Variants in LRIF1 observed in about 807,000 individuals in gnomAD.
The protein encoded by LRIF1 is ligand dependent nuclear receptor interacting factor 1.
LRIF1 carries 32 observed loss-of-function variants against 52.7 expected under a neutral mutation model. The ratio of observed to expected loss-of-function variants is 0.61; its 90% CI spans 0.46 to 0.82. LRIF1 has a LOEUF of 0.82. Ranked by LOEUF, LRIF1 falls within the 40% of genes least tolerant of loss-of-function variation. LRIF1 has a pLI of 0.00. For synonymous variants in LRIF1, 323 were observed against 317.4 expected (o/e 1.02, Z -0.19); for missense variants, 887 against 892.0 (o/e 0.99, Z 0.07).
chr1:110,925,687 A>G, the LRIF1 span, among the ~76,000 whole-genome samples: 1 of 152,196 alleles, frequency 6.6e-6, no homozygotes, highest in Non-Finnish European at 1.5e-5. Flanking sequence ...AAACAAAACC[A>G]TCATTCGTTA....
At chr1:110,948,569 CA>C (rs1405380051) in intron 3 of LRIF1, among the ~76,000 whole-genome samples, 170 bp from the exon 4 acceptor site, 1 of 152,110 alleles carries the variant, frequency 6.6e-6, no homozygotes, top group African/African-American at 2.4e-5. Context: ...TGTATGGTAC[CA>C]AAATGTCTTA....
chr1:110,889,414 C>G, the LRIF1 span, among the ~76,000 whole-genome samples: 2 of 151,976 alleles, frequency 1.3e-5, no homozygotes, highest in Admixed American at 6.6e-5. Flanking sequence ...CAAAAATTAG[C>G]CGGGCGTGGT....
chr1:110,913,963 A>T, the LRIF1 span, among the ~76,000 whole-genome samples: 1 of 152,210 alleles, frequency 6.6e-6, no homozygotes, highest in Non-Finnish European at 1.5e-5. Context: ...ACACAACCAT[A>T]AAAAAGAACA....
In LRIF1 at chr1:110,947,202, G is replaced by C. The variant is rs926035600; in HGVS notation, c.*757C>G. On this transcript the variant is annotated 3_prime_UTR_variant, in exon 4 of 4. Transcript: ENST00000369763. Reference sequence around the variant, plus strand: ...CAGACAGAGAAAATACACTTTTACAGTTTAAGAAATATTAAATGTGATAAC... The same window carrying C: ...CAGACAGAGAAAATACACTTTTACACTTTAAGAAATATTAAATGTGATAAC... 8 of 148,346 alleles carry C rather than the reference G, an allele frequency of 5.4e-5. No homozygotes were observed. Among genetic ancestry groups the C allele is most frequent in the African/African-American group, 2.0e-4 (8 of 40,950 alleles). The allele number at this position is 148,346 out of a possible 1,614,324, so 9.2% of individuals were successfully genotyped here.
At chr1:110,903,155 G>C in the LRIF1 span, among the ~76,000 whole-genome samples, 1 of 152,198 alleles carries the variant, frequency 6.6e-6, no homozygotes, top group East Asian at 1.9e-4. Context: ...AACAGCTACA[G>C]TGCTATGTGT....
the LRIF1 span, among the ~76,000 whole-genome samples, chr1:110,906,112 G>A: frequency 2.6e-5 from 4 of 151,338 alleles, no homozygotes. Context: ...AAAGAAGGAA[G>A]AGAAGACCAC....
At chr1:110,945,299 T>G (rs1658179666), downstream of LRIF1, 1 of 152,214 alleles carries the variant, frequency 6.6e-6, no homozygotes, top group African/African-American at 2.4e-5. Context: ...GTATTAGTGG[T>G]AAACTTTGGA....
At chr1:110,919,332 C>T in the LRIF1 span, among the ~76,000 whole-genome samples, 6 of 152,230 alleles carry the variant, frequency 3.9e-5, no homozygotes, top group African/African-American at 1.4e-4. Flanking sequence ...ATAAAGCTGG[C>T]AGAAAAACTC....
the LRIF1 span, among the ~76,000 whole-genome samples, chr1:110,920,907 G>A: frequency 2.0e-5 from 3 of 152,148 alleles, no homozygotes; most frequent in Admixed American, 2.0e-4. Context: ...TGAGACAAGT[G>A]GGAGAATTTA....
chr1:110,888,060 G>A, the LRIF1 span, among the ~76,000 whole-genome samples: 1 of 152,186 alleles, frequency 6.6e-6, no homozygotes, highest in Non-Finnish European at 1.5e-5. Context: ...GAAGTTGCAC[G>A]ATGCAAGAAA....
At chr1:110,898,158 A>G in the LRIF1 span, among the ~76,000 whole-genome samples, 1 of 152,132 alleles carries the variant, frequency 6.6e-6, no homozygotes, top group Non-Finnish European at 1.5e-5. Flanking sequence ...CAGGCAGATC[A>G]CGAGGTCAGG....
chr1:110,940,784 A>G, the LRIF1 span: 2 of 152,154 alleles, frequency 1.3e-5, no homozygotes, highest in African/African-American at 4.8e-5. Context: ...AAATCAAAAC[A>G]ATTGAACTCA....
the LRIF1 span, chr1:110,891,353 A>C: frequency 7.6e-7 from 1 of 1,310,878 alleles, no homozygotes; most frequent in East Asian, 2.3e-5. Flanking sequence ...GCTACCTTAC[A>C]GAGTGAGGTA....
chr1:110,953,735 T>C (rs1658577384), intron 1 of LRIF1, among the ~76,000 whole-genome samples: 2 of 152,204 alleles, frequency 1.3e-5, no homozygotes, highest in Non-Finnish European at 2.9e-5. Flanking sequence ...TCCTGGGAAA[T>C]ATTGAGCTTT....
chr1:110,926,178 G>A, the LRIF1 span, among the ~76,000 whole-genome samples: 2 of 151,972 alleles, frequency 1.3e-5, 1 homozygote, highest in Non-Finnish European at 2.9e-5. Context: ...TCAAAGAACT[G>A]GAAATAGCCA....
At chr1:110,915,393 C>T in the LRIF1 span, among the ~76,000 whole-genome samples, 1 of 152,144 alleles carries the variant, frequency 6.6e-6, no homozygotes, top group Non-Finnish European at 1.5e-5. Context: ...GAGGCTGAGG[C>T]AGGAGAATGG....
chr1:110,910,569 C>T, the LRIF1 span, among the ~76,000 whole-genome samples: 1 of 152,120 alleles, frequency 6.6e-6, no homozygotes, highest in Non-Finnish European at 1.5e-5. Flanking sequence ...CCATTGCACT[C>T]CAGCCTGGGC....
the LRIF1 span, among the ~76,000 whole-genome samples, chr1:110,910,275 G>C: frequency 5.4e-5 from 8 of 146,950 alleles, no homozygotes; most frequent in South Asian, 4.4e-4. Flanking sequence ...CCACACATTC[G>C]GTCTTAAAGC....
chr1:110,919,866 C>T, the LRIF1 span, among the ~76,000 whole-genome samples: 2 of 152,082 alleles, frequency 1.3e-5, no homozygotes, highest in Non-Finnish European at 2.9e-5. Context: ...GAAAATGAGC[C>T]ACCTAATTAA....
Sources: gnomAD v4.1 joint callset for allele counts (sites outside exome capture counted in the v4.1 genomes callset) on GRCh38, gnomAD v4.1.1 for gene constraint, MANE v1.5 for transcripts, NCBI Gene and HGNC (gene_info 2026-07-23, HGNC 2026-07-21) for gene names.